The following MAN1C1 variants were observed in gnomAD, a reference collection of about 807,000 sequenced individuals.
MAN1C1 encodes mannosidase alpha class 1C member 1.
A neutral mutation model predicts 71.5 loss-of-function variants in MAN1C1; 49 were observed. The observed-to-expected ratio is 0.69, with a 90% confidence interval of 0.54 to 0.87. The LOEUF (loss-of-function observed/expected upper bound fraction) is 0.87. Among genes scored for constraint, MAN1C1 ranks in the 40% least tolerant of loss-of-function variants. The pLI is 0.00. For synonymous variants in MAN1C1, 352 were observed against 343.7 expected, an observed-to-expected ratio of 1.02 and a Z score of -0.27; for missense variants, 743 against 835.0, an observed-to-expected ratio of 0.89 and a Z score of 1.36.
intron 5 of MAN1C1, among the ~76,000 whole-genome samples, chr1:25,754,463 C>G (rs557164505): frequency 7.2e-5 from 11 of 152,050 alleles, no homozygotes; most frequent in Admixed American, 2.0e-4. Flanking sequence ...TCAGCATCTT[C>G]GTCAACTGTC....
chr1:25,742,199 T>C (rs563171948), intron 2 of MAN1C1, among the ~76,000 whole-genome samples: 1 of 152,296 alleles, frequency 6.6e-6, no homozygotes, highest in African/African-American at 2.4e-5. Flanking sequence ...AGACCACACT[T>C]GCCAAGGTAT....
chr1:25,763,486 C>CAA (rs60144894), intron 6 of MAN1C1, among the ~76,000 whole-genome samples: 2,421 of 85,706 alleles, frequency 0.028, 65 homozygotes, highest in East Asian at 0.088. Context: ...GAGACTGTCT[C>CAA]AAAAAAAAAA....
chr1:25,710,804 A>G (rs911392398), intron 2 of MAN1C1, among the ~76,000 whole-genome samples: 25 of 152,308 alleles, frequency 1.6e-4, no homozygotes, highest in African/African-American at 5.8e-4. Flanking sequence ...GATGAAAACA[A>G]TGAATTCTTA....
intron 1 of MAN1C1, chr1:25,644,518 A>ATATTTTTTT (rs61386117): frequency 3.0e-4 from 12 of 40,290 alleles, no homozygotes; most frequent in Admixed American, 4.9e-4. Context: ...ATATATATAT[A>ATATTTTTTT]TTTTTTTTTT....
At chr1:25,760,515 T>C (rs983457866) in intron 6 of MAN1C1, 3 of 152,214 alleles carry the variant, frequency 2.0e-5, no homozygotes, top group African/African-American at 7.2e-5. Context: ...GCCCAAATTC[T>C]AGAAGCGCCC....
intron 1 of MAN1C1, among the ~76,000 whole-genome samples, chr1:25,651,052 GA>G (rs1373667507): frequency 1.3e-5 from 2 of 152,186 alleles, no homozygotes; most frequent in Non-Finnish European, 2.9e-5. Flanking sequence ...TGAGTAAGTG[GA>G]AGCTTGGTAG....
chr1:25,635,415 T>G (rs557158100), intron 1 of MAN1C1, among the ~76,000 whole-genome samples: 1 of 151,762 alleles, frequency 6.6e-6, no homozygotes, highest in South Asian at 2.1e-4. Context: ...GTTCCTAAGA[T>G]TCTCATTCTT....
chr1:25,627,889 A>G (rs2045322497), intron 1 of MAN1C1, among the ~76,000 whole-genome samples: 1 of 151,916 alleles, frequency 6.6e-6, no homozygotes, highest in African/African-American at 2.4e-5. Context: ...AAAAAAATAC[A>G]AAAATTATCC....
At chr1:25,699,656 A>G (rs1399040464) in intron 2 of MAN1C1, among the ~76,000 whole-genome samples, 2 of 152,076 alleles carry the variant, frequency 1.3e-5, no homozygotes, top group Non-Finnish European at 2.9e-5. Context: ...TGGTCTCTTG[A>G]GTTACTTCTA....
Position 25,618,342 on chromosome 1 carries a change from G to A in MAN1C1, c.540+5G>A, listed in dbSNP as rs2045147889. 4 of 1,593,820 alleles carry A rather than the reference G, an allele frequency of 2.5e-6. No homozygotes were observed. Among genetic ancestry groups the A allele is most frequent in the Non-Finnish European group, 3.4e-6 (4 of 1,172,930 alleles). ...CAGCGGGAGAAAATCAAGGAGGTAT[G>A]GACTCAGCCCCCAAACTCCTCCCAC... On this transcript the variant is annotated splice_donor_5th_base_variant and intron_variant, in intron 1 of 11. Coordinates refer to ENST00000374332, the MANE Select transcript of MAN1C1 (RefSeq NM_020379.4).
intron 1 of MAN1C1, among the ~76,000 whole-genome samples, chr1:25,629,999 A>G (rs1481629273): frequency 6.6e-6 from 1 of 151,880 alleles, no homozygotes; most frequent in Non-Finnish European, 1.5e-5. Flanking sequence ...TTCTGATGTT[A>G]TCTTTAGAAT....
chr1:25,718,987 T>G (rs1255723851), intron 2 of MAN1C1, among the ~76,000 whole-genome samples: 2 of 151,444 alleles, frequency 1.3e-5, no homozygotes, highest in East Asian at 3.9e-4. Flanking sequence ...CTAAAGAGGC[T>G]GCACCATTTT....
chr1:25,696,367 A>G (rs1364701364), intron 2 of MAN1C1, among the ~76,000 whole-genome samples: 1 of 152,140 alleles, frequency 6.6e-6, no homozygotes, highest in Non-Finnish European at 1.5e-5. Flanking sequence ...ACCTGAGGTC[A>G]GACAGCCAGG....
chr1:25,763,785 T>G (rs1271775659), intron 6 of MAN1C1, 89 bp from the exon 7 acceptor site: 1 of 1,048,796 alleles, frequency 9.5e-7, no homozygotes, highest in East Asian at 2.4e-5. Context: ...TCCATGCATC[T>G]GAACCAGCTG....
chr1:25,668,995 GTC>G (rs1204568241), intron 1 of MAN1C1, among the ~76,000 whole-genome samples: 1 of 152,166 alleles, frequency 6.6e-6, no homozygotes. Flanking sequence ...GAAAGGGCCT[GTC>G]TCTGAAATTT....
intron 2 of MAN1C1, among the ~76,000 whole-genome samples, chr1:25,692,509 C>T (rs575794480): frequency 6.6e-6 from 1 of 152,314 alleles, no homozygotes; most frequent in East Asian, 1.9e-4. Flanking sequence ...CCACTGCGTC[C>T]AGCCCATAGC....
intron 2 of MAN1C1, among the ~76,000 whole-genome samples, chr1:25,741,306 A>G (rs1002508943): frequency 6.6e-6 from 1 of 152,172 alleles, no homozygotes; most frequent in African/African-American, 2.4e-5. Context: ...TGAAATCACT[A>G]AGAGAATGAG....
rs541100420 is a variant in MAN1C1 at position 25,740,713 on chromosome 1, G to A, written c.638-5955G>A. Among the ~76,000 whole-genome samples, 272 of 152,298 alleles carry A rather than the reference G, an allele frequency of 1.8e-3. 3 individuals are homozygous for A. Among genetic ancestry groups the A allele is most frequent in the South Asian group, 6.4e-3 (31 of 4,834 alleles). ...GGCCTCCCAAAGTGCTGGGATTACA[G>A]GCGTGAGCCACCGCGCCCGGCTGAC... is the stretch of plus-strand genomic sequence containing the variant. On this transcript the variant is annotated intron_variant, in intron 2 of 11. Coordinates refer to ENST00000374332, the MANE Select transcript of MAN1C1 (RefSeq NM_020379.4).
At chr1:25,625,109 A>C (rs189529128) in intron 1 of MAN1C1, among the ~76,000 whole-genome samples, 22 of 148,744 alleles carry the variant, frequency 1.5e-4, no homozygotes, top group Non-Finnish European at 2.7e-4. Context: ...GGGTTCAAGC[A>C]ATTCTCCTGC....
Sources: gnomAD v4.1 joint callset for allele counts (sites outside exome capture counted in the v4.1 genomes callset) on GRCh38, gnomAD v4.1.1 for gene constraint, MANE v1.5 for transcripts, NCBI Gene and HGNC (gene_info 2026-07-23, HGNC 2026-07-21) for gene names.